CIB4: variants seen among roughly 807,000 people sequenced by gnomAD.
CIB4 encodes the protein calcium and integrin binding family member 4.
Under a neutral mutation model 25.8 loss-of-function variants are expected in CIB4, and 25 were observed. That is an observed-to-expected ratio of 0.97 (90% CI 0.71 to 1.35). The LOEUF (loss-of-function observed/expected upper bound fraction) is 1.35. Ranked by LOEUF, CIB4 falls within the 40% of genes most tolerant of loss-of-function variation. The pLI is 0.00. For missense variants in CIB4, 235 were observed against 228.2 expected (o/e 1.03, Z -0.19); for synonymous variants, 75 against 81.4 (o/e 0.92, Z 0.42).
chr2:26,627,662 T>C lies in CIB4; in HGVS notation c.186+1748A>G, dbSNP rs781170449. On this transcript the variant is annotated intron_variant, in intron 3 of 6. Transcript: ENST00000288861. The surrounding 1 kb of genome is among the most constrained non-coding windows in gnomAD (Gnocchi z 4.0). ...TGCCAGGAAGACCGCCTCCCCATTT[T>C]GTTTCTGTCACAGTCACAGTCTCCG... Among the ~76,000 whole-genome samples, 3 of 152,186 alleles carry C rather than the reference T, an allele frequency of 2.0e-5. No homozygotes were observed. The highest frequency in any genetic ancestry group is 2.9e-5 in the Non-Finnish European group (2 of 68,030).
chr2:26,609,840 A>G (rs1668963803), intron 3 of CIB4, among the ~76,000 whole-genome samples: 1 of 152,202 alleles, frequency 6.6e-6, no homozygotes, highest in Non-Finnish European at 1.5e-5. Context: ...GAAAACACAA[A>G]CAAAGTTCCG....
At chr2:26,590,360 A>G (rs1469459955) in intron 4 of CIB4, among the ~76,000 whole-genome samples, 1 of 151,872 alleles carries the variant, frequency 6.6e-6, no homozygotes, top group African/African-American at 2.4e-5. Flanking sequence ...GTTAAAGCAC[A>G]GAGGAATCTT....
intron 3 of CIB4, among the ~76,000 whole-genome samples, chr2:26,615,225 C>G (rs1669069002): frequency 6.6e-6 from 1 of 152,194 alleles, no homozygotes; most frequent in Admixed American, 6.5e-5. Context: ...GGGGAACAGT[C>G]AAATCCTGGA....
At chr2:26,612,451 C>T (rs571067265) in intron 3 of CIB4, among the ~76,000 whole-genome samples, 1 of 152,328 alleles carries the variant, frequency 6.6e-6, no homozygotes, top group African/African-American at 2.4e-5. Context: ...TTCTAAGAGC[C>T]TTGTTGGCCC....
At chr2:26,593,791 C>T (rs947437170) in intron 4 of CIB4, among the ~76,000 whole-genome samples, 1 of 152,228 alleles carries the variant, frequency 6.6e-6, no homozygotes, top group South Asian at 2.1e-4. Context: ...GTGGTGGCAG[C>T]TCAAATCTCA....
intron 2 of CIB4, among the ~76,000 whole-genome samples, chr2:26,630,072 G>C (rs1669387635): frequency 6.6e-6 from 1 of 152,236 alleles, no homozygotes; most frequent in Non-Finnish European, 1.5e-5. Context: ...ATCGTGGACT[G>C]ACTGGTCTTC....
intron 3 of CIB4, among the ~76,000 whole-genome samples, chr2:26,615,652 T>C (rs1308734632): frequency 6.6e-6 from 1 of 152,098 alleles, no homozygotes; most frequent in Non-Finnish European, 1.5e-5. Flanking sequence ...TCACACCCAT[T>C]TGGAAGATGA....
At chr2:26,639,194 CT>C (rs56799418) in intron 2 of CIB4, among the ~76,000 whole-genome samples, 2,732 of 141,468 alleles carry the variant, frequency 0.019, 85 homozygotes, top group African/African-American at 0.061. Flanking sequence ...TTTGAATTTT[CT>C]TTTTTTTTTT....
chr2:26,636,827 C>A (rs974387720), intron 2 of CIB4, among the ~76,000 whole-genome samples: 10 of 152,170 alleles, frequency 6.6e-5, no homozygotes, highest in East Asian at 3.8e-4. Flanking sequence ...TGTCTTCCAA[C>A]ATAAGTCCAA....
At position 26,590,258 on chromosome 2, in the gene CIB4, T is replaced by TAAAAAAAAAAAAAAAAAAAAA. The variant is rs869097756; in HGVS notation, c.328+4897_328+4917dup. ...CCTGGAGCTGGGGCCCAAGCATCTG[T>TAAAAAAAAAAAAAAAAAAAAA]AAAAAAAAAAAAAAAAAAAAAAAAA... On this transcript the variant is annotated intron_variant, in intron 4 of 6. Transcript: ENST00000288861. Among the ~76,000 whole-genome samples the TAAAAAAAAAAAAAAAAAAAAA allele has an allele frequency of 9.7e-5, 6 of 61,830 alleles. 1 individual carries two copies. In the Admixed American group the frequency reaches 1.2e-3, roughly 13 times the overall value. 40.6% of individuals were successfully genotyped at this position (61,830 alleles called of 152,430 possible).
At chr2:26,638,814 T>C (rs1669581148) in intron 2 of CIB4, among the ~76,000 whole-genome samples, 1 of 152,058 alleles carries the variant, frequency 6.6e-6, no homozygotes, top group Non-Finnish European at 1.5e-5. Flanking sequence ...TTGCCGGGCG[T>C]GGTGGCAGGC....
At chr2:26,615,965 C>T (rs1051968861) in intron 3 of CIB4, among the ~76,000 whole-genome samples, 6 of 152,342 alleles carry the variant, frequency 3.9e-5, no homozygotes, top group South Asian at 4.1e-4. Context: ...CTCCCAGCTC[C>T]GACTGGCATC....
chr2:26,601,231 A>AAAAAAAAAAAAT (rs1395827334), intron 3 of CIB4, among the ~76,000 whole-genome samples: 13 of 17,220 alleles, frequency 7.5e-4, no homozygotes, highest in African/African-American at 1.9e-3. Flanking sequence ...AAAAAAAAAA[A>AAAAAAAAAAAAT]ATATATATAT....
At chr2:26,586,519 A>C (rs1050836386) in intron 4 of CIB4, among the ~76,000 whole-genome samples, 7 of 152,256 alleles carry the variant, frequency 4.6e-5, no homozygotes, top group African/African-American at 1.7e-4. Context: ...ACTTGCATAT[A>C]AATTCCACAA....
In CIB4 at chr2:26,628,055, G is replaced by A. The variant is rs138393787; in HGVS notation, c.186+1355C>T. The stretch of plus-strand genomic sequence containing the variant: ...CGAAGATGGGCTCTCATTGAACAAT[G>A]ACAAACTGAAGTCATTATTCTGCCA... On this transcript the variant is annotated intron_variant, in intron 3 of 6. Coordinates refer to ENST00000288861, the MANE Select transcript of CIB4 (RefSeq NM_001029881.3). Among the ~76,000 whole-genome samples, 932 of 152,312 alleles carry A rather than the reference G, an allele frequency of 6.1e-3. 5 individuals carry two copies. The highest frequency in any genetic ancestry group is 8.7e-3 in the Non-Finnish European group (592 of 68,018).
chr2:26,618,150 C>T (rs992011888), intron 3 of CIB4, among the ~76,000 whole-genome samples: 31 of 152,202 alleles, frequency 2.0e-4, no homozygotes, highest in Admixed American at 6.5e-5. Context: ...CTGCCTCCCT[C>T]CACCCCGACC....
At chr2:26,637,028 A>G (rs192619329) in intron 2 of CIB4, among the ~76,000 whole-genome samples, 20 of 152,262 alleles carry the variant, frequency 1.3e-4, no homozygotes, top group Admixed American at 1.0e-3. Context: ...AGGCTCTAAA[A>G]TGCTGACCAG....
intron 3 of CIB4, among the ~76,000 whole-genome samples, chr2:26,599,054 T>C (rs953720455): frequency 6.6e-6 from 1 of 152,176 alleles, no homozygotes; most frequent in African/African-American, 2.4e-5. Flanking sequence ...ACGAATAAAT[T>C]TGGGGACCTA....
At chr2:26,625,347 G>A (rs1243678419) in intron 3 of CIB4, among the ~76,000 whole-genome samples, 1 of 130,494 alleles carries the variant, frequency 7.7e-6, no homozygotes, top group Non-Finnish European at 1.6e-5. Context: ...CCTAAGGACA[G>A]CCTTTTTTTT....
Sources: allele counts gnomAD v4.1 joint callset (sites outside exome capture counted in the v4.1 genomes callset), GRCh38; gene constraint gnomAD v4.1.1; non-coding constraint Gnocchi (gnomAD v3.1); transcripts MANE v1.5; gene names NCBI Gene and HGNC (gene_info 2026-07-23, HGNC 2026-07-21).